The following TNIK variants were observed in gnomAD, a reference collection of about 807,000 sequenced individuals.
The protein encoded by TNIK is TRAF2 and NCK-interacting protein kinase.
TNIK carries 49 observed loss-of-function variants against 191.3 expected under a neutral mutation model. The ratio of observed to expected loss-of-function variants is 0.26; its 90% CI spans 0.20 to 0.32. The LOEUF is 0.32. Ranked by LOEUF, TNIK falls within the 10% of genes least tolerant of loss-of-function variation. The pLI is 1.00. For synonymous variants in TNIK, 594 were observed against 600.9 expected (o/e 0.99, Z 0.17); for missense variants, 1,155 against 1,702.3 (o/e 0.68, Z 5.66).
intron 2 of TNIK, among the ~76,000 whole-genome samples, chr3:171,327,926 A>AAAAAAAAAAAAAAAAAC (rs1755977975): frequency 8.1e-6 from 1 of 123,654 alleles, no homozygotes; most frequent in Non-Finnish European, 1.7e-5. Context: ...AAAAAAAAAA[A>AAAAAAAAAAAAAAAAAC]AAAAATCACT....
intron 7 of TNIK, among the ~76,000 whole-genome samples, chr3:171,187,546 A>C (rs1429469831): frequency 2.6e-5 from 4 of 152,204 alleles, no homozygotes; most frequent in Non-Finnish European, 5.9e-5. Context: ...CCACATGTCG[A>C]GAACTAAAAA....
At chr3:171,145,757 A>G (rs1731476503) in intron 12 of TNIK, among the ~76,000 whole-genome samples, 1 of 150,164 alleles carries the variant, frequency 6.7e-6, no homozygotes, top group Admixed American at 6.6e-5. Context: ...ATTCCTCACA[A>G]GGGCTGTGGA....
chr3:171,325,767 G>T (rs1755685032), intron 2 of TNIK, among the ~76,000 whole-genome samples: 1 of 152,232 alleles, frequency 6.6e-6, no homozygotes, highest in Admixed American at 6.5e-5. Flanking sequence ...GACCACTCTG[G>T]AAAGGGTTTA....
chr3:171,154,154 AAGTT>A (rs144786406), intron 12 of TNIK, among the ~76,000 whole-genome samples: 10,497 of 152,166 alleles, frequency 0.069, 462 homozygotes, highest in Middle Eastern at 0.12. Context: ...TCACAATAAA[AAGTT>A]AGAGGCTTAG....
At chr3:171,362,457 C>T (rs1293336589) in intron 2 of TNIK, among the ~76,000 whole-genome samples, 1 of 152,120 alleles carries the variant, frequency 6.6e-6, no homozygotes, top group African/African-American at 2.4e-5. Context: ...CCATTCTAAG[C>T]ATACATAAAA....
intron 21 of TNIK, among the ~76,000 whole-genome samples, chr3:171,105,738 G>A (rs957088017): frequency 1.3e-4 from 20 of 152,144 alleles, no homozygotes; most frequent in African/African-American, 4.8e-4. Flanking sequence ...ATCTGTGAGA[G>A]CCTTTTCCTT....
At chr3:171,145,471 G>A (rs1003360107) in intron 12 of TNIK, among the ~76,000 whole-genome samples, 2 of 152,152 alleles carry the variant, frequency 1.3e-5, no homozygotes, top group Non-Finnish European at 2.9e-5. Context: ...TCTATTGGGG[G>A]CAGTTTTGAT....
At chr3:171,417,228 G>A (rs1160628699) in intron 1 of TNIK, among the ~76,000 whole-genome samples, 1 of 152,116 alleles carries the variant, frequency 6.6e-6, no homozygotes, top group East Asian at 1.9e-4. Context: ...AAATCAAGAT[G>A]TTCTTTCAAT....
intron 2 of TNIK, among the ~76,000 whole-genome samples, chr3:171,272,696 A>G (rs908865400): frequency 1.3e-5 from 2 of 151,692 alleles, no homozygotes; most frequent in African/African-American, 4.8e-5. Context: ...TTTTATTTCA[A>G]TCTCTGTTAA....
intron 2 of TNIK, among the ~76,000 whole-genome samples, chr3:171,323,211 A>G (rs1156572789): frequency 1.3e-5 from 2 of 152,182 alleles, no homozygotes; most frequent in South Asian, 2.1e-4. Flanking sequence ...GTTTTAGCAC[A>G]TGAAATTTAT....
intron 1 of TNIK, among the ~76,000 whole-genome samples, chr3:171,383,774 G>C (rs993092799): frequency 1.3e-5 from 2 of 152,140 alleles, no homozygotes; most frequent in Admixed American, 6.5e-5. Flanking sequence ...TTTCAGCCAG[G>C]CCACAGAATT....
intron 2 of TNIK, among the ~76,000 whole-genome samples, chr3:171,369,404 A>G (rs1200233878): frequency 1.3e-5 from 2 of 152,232 alleles, no homozygotes; most frequent in South Asian, 2.1e-4. Context: ...ATACAAACAC[A>G]GTAATATATA....
chr3:171,217,633 AATC>A (rs1413063109), intron 3 of TNIK, among the ~76,000 whole-genome samples: 1 of 152,222 alleles, frequency 6.6e-6, no homozygotes, highest in Non-Finnish European at 1.5e-5. Context: ...TCAATAATAT[AATC>A]ATACTACAAT....
chr3:171,184,631 CTTGT>C (rs1412884045), intron 7 of TNIK, among the ~76,000 whole-genome samples: 1 of 152,210 alleles, frequency 6.6e-6, no homozygotes, highest in Non-Finnish European at 1.5e-5. Context: ...GAGGCCACGA[CTTGT>C]TTGAGAGTGT....
In TNIK at chr3:171,150,753, A is replaced by G. The variant is rs182431362; in HGVS notation, c.1221+6707T>C. Among the ~76,000 whole-genome samples the G allele has an allele frequency of 1.4e-4, 22 of 152,330 alleles. No homozygotes were observed. The East Asian group carries it at 4.2e-3, about 29-fold the overall frequency. The stretch of plus-strand genomic sequence containing the variant: ...AAGAATGGGCCGCCTCCTTGTCCTG[A>G]CAAGGCCAGGACTGCAGGCTAACTC... On this transcript the variant is annotated intron_variant, in intron 12 of 32. Transcript: ENST00000436636.
intron 7 of TNIK, among the ~76,000 whole-genome samples, chr3:171,185,486 A>T (rs1449693579): frequency 6.6e-6 from 1 of 152,206 alleles, no homozygotes; most frequent in African/African-American, 2.4e-5. Context: ...TGCCCCACAT[A>T]CTTATCAGGG....
chr3:171,080,542 T>C (rs1720539083), intron 27 of TNIK, among the ~76,000 whole-genome samples: 1 of 152,068 alleles, frequency 6.6e-6, no homozygotes, highest in Non-Finnish European at 1.5e-5. Flanking sequence ...GTTCAAGCGA[T>C]TCTCCTGCCT....
At chr3:171,252,054 T>G (rs1746283194) in intron 2 of TNIK, among the ~76,000 whole-genome samples, 1 of 151,360 alleles carries the variant, frequency 6.6e-6, no homozygotes, top group Admixed American at 6.6e-5. Context: ...ATAGATAAAA[T>G]CTGGTATGCG....
chr3:171,194,497 G>A (rs755113996), intron 5 of TNIK, 28 bp downstream of exon 5: 5 of 1,588,900 alleles, frequency 3.1e-6, no homozygotes, highest in Non-Finnish European at 4.3e-6. Flanking sequence ...GACTTTGGGA[G>A]GTGGGCCAGT....
Sources: allele counts gnomAD v4.1 joint callset (sites outside exome capture counted in the v4.1 genomes callset), GRCh38; gene constraint gnomAD v4.1.1; transcripts MANE v1.5; gene names NCBI Gene and HGNC (gene_info 2026-07-23, HGNC 2026-07-21).